Variants in FCHO2 observed in about 807,000 individuals in gnomAD.
FCHO2 encodes the protein FCH and mu domain containing endocytic adaptor 2, also known as F-BAR domain only protein 2.
FCHO2 carries 43 observed loss-of-function variants against 114.1 expected under a neutral mutation model. The ratio of observed to expected loss-of-function variants is 0.38; its 90% CI spans 0.30 to 0.49. FCHO2 has a LOEUF of 0.49. Among genes scored for constraint, FCHO2 ranks in the 20% least tolerant of loss-of-function variants. The pLI, the probability that FCHO2 is intolerant of heterozygous loss-of-function variation, is 0.97. For synonymous variants in FCHO2, 293 were observed against 315.2 expected (o/e 0.93, Z 0.75); for missense variants, 807 against 950.4 (o/e 0.85, Z 1.98).
intron 19 of FCHO2, among the ~76,000 whole-genome samples, chr5:73,069,090 G>A (rs58820200): frequency 0.3 from 45,299 of 151,992 alleles, 6,981 homozygotes; most frequent in East Asian, 0.44. Flanking sequence ...TGATAGTTGC[G>A]TTTCTAAGAA....
At position 73,081,031 on chromosome 5, in the gene FCHO2, G is replaced by C. The variant is rs557537558; in HGVS notation, c.1981-752G>C. On this transcript the variant is annotated intron_variant, in intron 22 of 25. Coordinates refer to ENST00000430046, the MANE Select transcript of FCHO2 (RefSeq NM_138782.3). ...AGGCTGAGGAGGGAGGATTGCTCGA[G>C]CCCAGGAGGTTGAGGCTGCAGTGAG... Among the ~76,000 whole-genome samples the C allele has an allele frequency of 1.4e-4, 21 of 152,236 alleles. No homozygotes were observed. The East Asian group carries it at 2.9e-3, about 21-fold the overall frequency.
chr5:72,989,628 A>G (rs1451144682), intron 3 of FCHO2, 127 bp downstream of exon 3: 1 of 609,144 alleles, frequency 1.6e-6, no homozygotes, highest in Non-Finnish European at 2.8e-6. Context: ...AGTATCTGTA[A>G]ATATTAATAT....
At chr5:72,958,419 G>A (rs961706217) in intron 1 of FCHO2, among the ~76,000 whole-genome samples, 1 of 152,168 alleles carries the variant, frequency 6.6e-6, no homozygotes, top group Non-Finnish European at 1.5e-5. Flanking sequence ...AGTTGTCCCA[G>A]TACCATTTGT....
chr5:73,083,054 G>T (rs1447529777), intron 24 of FCHO2, among the ~76,000 whole-genome samples: 3 of 143,934 alleles, frequency 2.1e-5, no homozygotes, highest in African/African-American at 2.5e-5. Flanking sequence ...TTGTTTGTTT[G>T]TTTTTTTTTT....
chr5:72,997,148 G>C (rs1754163597), intron 5 of FCHO2: 2 of 1,113,428 alleles, frequency 1.8e-6, no homozygotes, highest in Non-Finnish European at 2.8e-6. Flanking sequence ...CCATGATGGG[G>C]TCCTGAGGCT....
intron 9 of FCHO2, among the ~76,000 whole-genome samples, chr5:73,035,605 C>T (rs910334250): frequency 3.3e-5 from 5 of 152,106 alleles, no homozygotes; most frequent in South Asian, 2.1e-4. Context: ...CAGATCCAAG[C>T]GATCCTTGCA....
At chr5:72,957,836 CTTAT>C (rs767143675) in intron 1 of FCHO2, among the ~76,000 whole-genome samples, 4 of 152,146 alleles carry the variant, frequency 2.6e-5, no homozygotes, top group Non-Finnish European at 5.9e-5. Flanking sequence ...CTCACGAACA[CTTAT>C]TTGTCCTTTT....
chr5:73,050,258 TC>T lies in FCHO2; in HGVS notation c.940-1087del, dbSNP rs922114384. ...CTTAAGTCTCTCTTGATCTACAGGT[TC>T]CCCTTCCCTCCCTCCCTCTCTGTTT... On this transcript the variant is annotated intron_variant, in intron 11 of 25. Coordinates refer to ENST00000430046, the MANE Select transcript of FCHO2 (RefSeq NM_138782.3). Among the ~76,000 whole-genome samples, 90 of 152,088 alleles carry T rather than the reference TC, an allele frequency of 5.9e-4. 1 individual carries two copies. The highest frequency in any genetic ancestry group is 3.4e-3 in the Middle Eastern group (1 of 294).
At chr5:72,981,717 T>C (rs1580042310) in intron 2 of FCHO2, among the ~76,000 whole-genome samples, 1 of 152,252 alleles carries the variant, frequency 6.6e-6, no homozygotes, top group East Asian at 1.9e-4. Context: ...TATGATATCC[T>C]TTCTTCCACT....
At chr5:73,074,552 T>G (rs1742820289) in intron 19 of FCHO2, among the ~76,000 whole-genome samples, 190 bp from the exon 20 acceptor site, 2 of 152,104 alleles carry the variant, frequency 1.3e-5, no homozygotes, top group African/African-American at 4.8e-5. Flanking sequence ...TTCCTGGTTT[T>G]TTTTTGTCCT....
intron 8 of FCHO2, among the ~76,000 whole-genome samples, chr5:73,023,437 C>T (rs370623006): frequency 1.3e-5 from 2 of 152,152 alleles, no homozygotes; most frequent in East Asian, 1.9e-4. Context: ...CATAGTGGCT[C>T]ACGCCTGTAA....
Position 73,056,079 on chromosome 5 carries a change from A to T in FCHO2, c.1225A>T (p.Lys409Ter). 1.3e-6 allele frequency: 2 copies of T among 1,524,840 alleles called. No individual in the cohort carries two copies. Among genetic ancestry groups the T allele is most frequent in the Non-Finnish European group, 1.8e-6 (2 of 1,137,096 alleles). 94.5% of individuals were successfully genotyped at this position (1,524,840 alleles called of 1,614,324 possible). Residue 409 changes from lysine (K) to a stop codon, truncating the protein, a stop_gained, in exon 16 of 26, where the codon AAA becomes TAA. Coordinates refer to ENST00000430046, the MANE Select transcript of FCHO2 (RefSeq NM_138782.3). LOFTEE classifies it high-confidence loss of function. ...TTTTTAATTAGATGAGGAGTTAACA[A>T]AATCAAAGCCATCTGCTCCACCCAA... Reference protein sequence around the residue: ...NRNLSNEELTKSKPSAPPNEK... With the variant: ...NRNLSNEELT
In FCHO2 at chr5:72,970,834, A is replaced by G. The variant is rs543122000; in HGVS notation, c.125+2245A>G. On this transcript the variant is annotated intron_variant, in intron 2 of 25. Coordinates refer to ENST00000430046, the MANE Select transcript of FCHO2 (RefSeq NM_138782.3). ...CATCTAGCATTAGGTATATCTCCCA[A>G]TGCTATCCCTCTCCCCTCCCCGCAA... 3.9e-5 allele frequency among the ~76,000 whole-genome samples: 6 copies of G among 152,220 alleles called. No individual in the cohort carries two copies. The South Asian group carries it at 8.3e-4, about 21-fold the overall frequency.
Position 73,068,668 on chromosome 5 carries a change from C to G in FCHO2, c.1468C>G (p.Pro490Ala). ...INEIPRPFSP[P>A]VTSNTSPPPA... ...TTTTAAGCCCAGGCCATTCAGCCCA[C>G]CTGTAACTTCCAACACCAGCCCACC... The change falls in exon 19 of 26, where the codon CCT becomes GCT. Residue 490 changes from proline (P) to alanine (A), a missense_variant. Pro to Ala is a conservative substitution (Grantham distance 27). Coordinates refer to ENST00000430046, the MANE Select transcript of FCHO2 (RefSeq NM_138782.3). 1 of 1,611,494 alleles carries G rather than the reference C, an allele frequency of 6.2e-7. No homozygotes were observed. Among genetic ancestry groups the G allele is most frequent in the East Asian group, 2.2e-5 (1 of 44,780 alleles).
intron 2 of FCHO2, among the ~76,000 whole-genome samples, chr5:72,975,167 T>C (rs1752789596): frequency 6.6e-6 from 1 of 152,190 alleles, no homozygotes; most frequent in African/African-American, 2.4e-5. Flanking sequence ...TTATAAAATT[T>C]GGTAATTATT....
chr5:73,027,157 CTT>C (rs1456285803), intron 8 of FCHO2, among the ~76,000 whole-genome samples: 1 of 150,714 alleles, frequency 6.6e-6, no homozygotes, highest in Non-Finnish European at 1.5e-5. Context: ...TTTTGTATAT[CTT>C]TTTATATTCC....
At chr5:73,078,448 G>A in intron 22 of FCHO2, 136 bp downstream of exon 22, 1 of 823,662 alleles carries the variant, frequency 1.2e-6, no homozygotes, top group Non-Finnish European at 1.9e-6. Context: ...TAGAAAATCT[G>A]TTTATAAGCC....
At chr5:72,981,986 C>T (rs1753236781) in intron 2 of FCHO2, among the ~76,000 whole-genome samples, 1 of 152,172 alleles carries the variant, frequency 6.6e-6, no homozygotes, top group African/African-American at 2.4e-5. Context: ...GTTTTGTTCT[C>T]TTGCTGGTGA....
At chr5:72,964,621 C>T (rs2112591471) in intron 1 of FCHO2, among the ~76,000 whole-genome samples, 1 of 152,292 alleles carries the variant, frequency 6.6e-6, no homozygotes, top group Middle Eastern at 3.4e-3. Flanking sequence ...CTCCTGACCT[C>T]AGGTGATCCA....
Sources: gnomAD v4.1 joint callset for allele counts (sites outside exome capture counted in the v4.1 genomes callset) on GRCh38, gnomAD v4.1.1 for gene constraint, MANE v1.5 for transcripts, NCBI Gene and HGNC (gene_info 2026-07-23, HGNC 2026-07-21) for gene names.